HDAC7: variants seen among roughly 807,000 people sequenced by gnomAD.
HDAC7 encodes the protein histone deacetylase 7A.
Under a neutral mutation model 115.5 loss-of-function variants are expected in HDAC7, and 26 were observed. That is an observed-to-expected ratio of 0.23 (90% CI 0.16 to 0.31). The LOEUF (loss-of-function observed/expected upper bound fraction) is 0.31, where lower values mean the gene tolerates loss of function less well. HDAC7 is among the 10% of genes least tolerant of loss of function. The pLI is 1.00. For synonymous variants in HDAC7, 564 were observed against 550.9 expected, an observed-to-expected ratio of 1.02 and a Z score of -0.33; for missense variants, 1,068 against 1,329.0, an observed-to-expected ratio of 0.80 and a Z score of 3.05.
intron 1 of HDAC7, among the ~76,000 whole-genome samples, chr12:47,811,255 TC>T (rs1944652148): frequency 6.6e-6 from 1 of 152,158 alleles, no homozygotes; most frequent in Non-Finnish European, 1.5e-5. Flanking sequence ...GTGACCTGAT[TC>T]CCTTTTGCAG....
rs894833022 is a variant in HDAC7 at position 47,797,632 on chromosome 12, G to A, written c.462-133C>T. The A allele has an allele frequency of 3.1e-6, 2 of 645,994 alleles. No individual in the cohort carries two copies. Among genetic ancestry groups the A allele is most frequent in the Admixed American group, 5.9e-5 (2 of 33,986 alleles). 40.0% of individuals were successfully genotyped at this position (645,994 alleles called of 1,614,324 possible). A position where few individuals can be genotyped will look rare whatever the true frequency, so the allele number is the denominator to read the frequency against. On this transcript the variant is annotated intron_variant, in intron 5 of 25. Transcript: ENST00000080059. This position sits in a 1 kb window ranked among gnomAD's most constrained non-coding sequence, Gnocchi z 5.5. ...GGGCAATGTGGGGCTGGTAGGAATG[G>A]GGACCATCTCCAGGTGGCAGCAGTG...
Position 47,784,200 on chromosome 12 carries a change from T to G in HDAC7, c.2809A>C (p.Met937Leu), listed in dbSNP as rs1158344011. The stretch of plus-strand genomic sequence containing the variant: ...TCTGGACAGGAGGCCAGGCGCTGCA[T>G]GCAGCCCCAGTATTTACCTGGGGTA... The part of the protein sequence containing the change: ...IRVHSKYWGC[M>L]QRLASCPDSW... Residue 937 changes from methionine (M) to leucine (L), a missense_variant, in exon 25 of 26, where the codon ATG (methionine) becomes CTG (leucine). Coordinates refer to ENST00000080059, the MANE Select transcript of HDAC7 (RefSeq NM_015401.5). The G allele has an allele frequency of 1.9e-6, 3 of 1,612,098 alleles. No homozygotes were observed. Among genetic ancestry groups the G allele is most frequent in the Non-Finnish European group, 2.5e-6 (3 of 1,179,246 alleles).
At position 47,789,638 on chromosome 12, in the gene HDAC7, C is replaced by T. The variant is rs1260924695; in HGVS notation, c.2092-60G>A. 36 of 1,574,444 alleles carry T rather than the reference C, an allele frequency of 2.3e-5. No homozygotes were observed. The East Asian group carries it at 4.3e-4, about 19-fold the overall frequency. ...CAGCTCTGACCCACAGCTGCATGAA[C>T]GTACCCCAAGAGTTCCAATCTCAAC... On this transcript the variant is annotated intron_variant, in intron 17 of 25. Coordinates refer to ENST00000080059, the MANE Select transcript of HDAC7 (RefSeq NM_015401.5).
intron 1 of HDAC7, among the ~76,000 whole-genome samples, chr12:47,811,838 C>T (rs960570167): frequency 6.6e-6 from 1 of 152,220 alleles, no homozygotes; most frequent in African/African-American, 2.4e-5. Flanking sequence ...TCCTGAGTCT[C>T]GCCAAGGGCC....
At chr12:47,818,836 C>A (rs1485237589) in intron 1 of HDAC7, among the ~76,000 whole-genome samples, 1 of 152,186 alleles carries the variant, frequency 6.6e-6, no homozygotes, top group African/African-American at 2.4e-5. Context: ...TGAGGAGCAG[C>A]CGTGGCTGGG....
At chr12:47,809,188 G>A (rs755289078) in intron 1 of HDAC7, among the ~76,000 whole-genome samples, 2 of 152,056 alleles carry the variant, frequency 1.3e-5, no homozygotes, top group African/African-American at 2.4e-5. Flanking sequence ...CTCTAGGGGC[G>A]GCTCCTTCTC....
Position 47,804,000 on chromosome 12 carries a change from A to G in HDAC7, c.20-1726T>C, listed in dbSNP as rs1448650150. On this transcript the variant is annotated intron_variant, in intron 1 of 25. Coordinates refer to ENST00000080059, the MANE Select transcript of HDAC7 (RefSeq NM_015401.5). This position sits in a 1 kb window ranked among gnomAD's most constrained non-coding sequence, Gnocchi z 4.0. ...TGTCCCACCTCCCCAGTCCCTACCC[A>G]GGGGCTGGTCAGCAGCATTCATGCT... is the stretch of plus-strand genomic sequence containing the variant. 6.6e-6 allele frequency among the ~76,000 whole-genome samples: 1 copy of G among 152,008 alleles called. No individual in the cohort carries two copies. The highest frequency in any genetic ancestry group is 6.5e-5 in the Admixed American group (1 of 15,270).
At chr12:47,815,112 C>T (rs1944816081) in intron 1 of HDAC7, among the ~76,000 whole-genome samples, 1 of 152,202 alleles carries the variant, frequency 6.6e-6, no homozygotes, top group East Asian at 1.9e-4. Context: ...TGCTGAGTGA[C>T]TGGCTCAGCA....
chr12:47,804,251 A>T (rs1051800348), intron 1 of HDAC7, among the ~76,000 whole-genome samples: 6 of 152,188 alleles, frequency 3.9e-5, no homozygotes, highest in African/African-American at 1.4e-4. Flanking sequence ...TTCCAATAGC[A>T]ATTCCTGGAA....
At chr12:47,809,944 T>C (rs948884992) in intron 1 of HDAC7, among the ~76,000 whole-genome samples, 21 of 151,926 alleles carry the variant, frequency 1.4e-4, no homozygotes, top group African/African-American at 4.4e-4. Flanking sequence ...TTTTTTTGTT[T>C]GTTTGTTTTG....
At chr12:47,815,866 C>T (rs1201585921) in intron 1 of HDAC7, among the ~76,000 whole-genome samples, 1 of 151,278 alleles carries the variant, frequency 6.6e-6, no homozygotes, top group Admixed American at 6.6e-5. Context: ...CTGTTTCAGC[C>T]TCCCAAAGCC....
chr12:47,791,406 G>C, intron 15 of HDAC7, 98 bp from the exon 16 acceptor site: 1 of 1,403,248 alleles, frequency 7.1e-7, no homozygotes. Context: ...GTGAGTATTG[G>C]GGGAGAGAAA....
chr12:47,815,893 A>ATTT (rs34394540), intron 1 of HDAC7, among the ~76,000 whole-genome samples: 13 of 118,272 alleles, frequency 1.1e-4, no homozygotes, highest in Admixed American at 2.7e-4. Flanking sequence ...TCCAGCCAGG[A>ATTT]TTTTTTTTTT....
chr12:47,810,994 T>C (rs535705493), intron 1 of HDAC7, among the ~76,000 whole-genome samples: 2 of 152,032 alleles, frequency 1.3e-5, no homozygotes, highest in Admixed American at 1.3e-4. Context: ...CATCCCTGGA[T>C]CTGGGGCAGA....
rs1032731385 is a variant in HDAC7 at position 47,798,728 on chromosome 12, G to A, written c.258+57C>T. 1.1e-5 allele frequency: 17 copies of A among 1,557,222 alleles called. No homozygotes were observed. Among genetic ancestry groups the A allele is most frequent in the Admixed American group, 7.7e-5 (4 of 51,762 alleles). On this transcript the variant is annotated intron_variant, in intron 3 of 25. Transcript: ENST00000080059. The surrounding 1 kb of genome is among the most constrained non-coding windows in gnomAD (Gnocchi z 4.3). ...ACTGGTGTCTAGGGATGCTGAAGGCGGGGAGGCTGGGGACCAAGCTCAAGG... is the reference window on the plus strand; with the variant it reads ...ACTGGTGTCTAGGGATGCTGAAGGCAGGGAGGCTGGGGACCAAGCTCAAGG...
chr12:47,793,428 C>T lies in HDAC7; in HGVS notation c.1619G>A (p.Ser540Asn), dbSNP rs371195772. The T allele has an allele frequency of 1.6e-5, 25 of 1,553,496 alleles. No homozygotes were observed. The East Asian group carries it at 2.1e-4, about 13-fold the overall frequency. The change falls in exon 13 of 26, where the codon AGC becomes AAC. Residue 540 changes from serine (S) to asparagine (N), a missense_variant. Physicochemically the swap from Ser to Asn is conservative, Grantham distance 46 (BLOSUM62 1). Transcript: ENST00000080059. This position sits in a 1 kb window ranked among gnomAD's most constrained non-coding sequence, Gnocchi z 4.5. ...PASLSAPEPASQARVLSSSET... is the reference protein window; with the variant it reads ...PASLSAPEPANQARVLSSSET... ...TGAGCTGGAGAGGACTCGGGCCTGG[C>T]TGGCAGGCTCTGGGGCTGACAGTGA... is the stretch of plus-strand genomic sequence containing the variant.
In HDAC7 at chr12:47,797,267, G is replaced by A. The variant is rs1276700030; in HGVS notation, c.577+117C>T. On this transcript the variant is annotated intron_variant, in intron 6 of 25. Transcript: ENST00000080059. This position sits in a 1 kb window ranked among gnomAD's most constrained non-coding sequence, Gnocchi z 5.5. ...AGGCAGAACTAGAAAGAAGATCCTA[G>A]CCTACCGATGATCTCCTGGCCCAGC... 3.2e-6 allele frequency: 5 copies of A among 1,552,524 alleles called. No homozygotes were observed. The highest frequency in any genetic ancestry group is 3.5e-6 in the Non-Finnish European group (4 of 1,134,806).
Position 47,791,332 on chromosome 12 carries a change from G to A in HDAC7, c.1934-24C>T, listed in dbSNP as rs142694908. 5.6e-4 allele frequency: 871 copies of A among 1,559,468 alleles called. 3 individuals carry two copies. The East Asian group carries it at 0.011, about 19-fold the overall frequency. ...CCCTGCGGGGAGAGGCCCAGCCCAC[G>A]TCAGCGTGAATACTCTCAGCCTTTG... On this transcript the variant is annotated intron_variant, in intron 15 of 25. Coordinates refer to ENST00000080059, the MANE Select transcript of HDAC7 (RefSeq NM_015401.5).
rs535253566 is a variant in HDAC7, at chr12:47,792,115, G to A, written c.1679-111C>T. 462 of 1,301,358 alleles carry A rather than the reference G, an allele frequency of 3.6e-4. 3 individuals carry two copies. The East Asian group carries it at 5.8e-3, about 16-fold the overall frequency. The allele number at this position is 1,301,358 out of a possible 1,614,324, so 80.6% of individuals were successfully genotyped here. ...AGCAGGCACCCACATGGAGCCGGGC[G>A]GGTACACACCCCTCACACCCACACA... On this transcript the variant is annotated intron_variant, in intron 13 of 25. Coordinates refer to ENST00000080059, the MANE Select transcript of HDAC7 (RefSeq NM_015401.5).
Sources: gnomAD v4.1 joint callset for allele counts (sites outside exome capture counted in the v4.1 genomes callset) on GRCh38, gnomAD v4.1.1 for gene constraint, Gnocchi (gnomAD v3.1) non-coding constraint, MANE v1.5 for transcripts, NCBI Gene and HGNC (gene_info 2026-07-23, HGNC 2026-07-21) for gene names.